IGDCC3: variants seen among roughly 807,000 people sequenced by gnomAD.
IGDCC3 encodes the protein immunoglobulin superfamily DCC subclass member 3, also known as putative neuronal cell adhesion molecule.
Under a neutral mutation model 72.0 loss-of-function variants are expected in IGDCC3, and 47 were observed. That is an observed-to-expected ratio of 0.65 (90% CI 0.52 to 0.83). The LOEUF (loss-of-function observed/expected upper bound fraction) is 0.83. IGDCC3 is among the 40% of genes least tolerant of loss of function. IGDCC3 has a pLI of 0.00. For missense variants in IGDCC3, 1,038 were observed against 1,091.3 expected (o/e 0.95, Z 0.69); for synonymous variants, 477 against 472.8 (o/e 1.01, Z -0.11).
chr15:65,359,392 G>A (rs895196509), intron 2 of IGDCC3, among the ~76,000 whole-genome samples: 8 of 152,114 alleles, frequency 5.3e-5, no homozygotes, highest in Non-Finnish European at 1.2e-4. Context: ...ATGCTTCTTA[G>A]CATGGAGCCT....
Position 65,329,148 on chromosome 15 carries a change from G to T in IGDCC3, c.2206C>A (p.Gln736Lys). The stretch of plus-strand genomic sequence containing the variant: ...CACGGAGCGGGGGCTGCAGGATCCT[G>T]CTGGGGAAAGAGCCCGTCACACAGG... ...AAGQPDPRPT[Q>K]DPAAPAPCEE... is the part of the protein sequence containing the mutation. The change falls in exon 14 of 14, where the codon CAG becomes AAG. Residue 736 changes from glutamine (Q) to lysine (K), a missense_variant and splice_region_variant. Gln to Lys is a moderately conservative substitution (Grantham distance 53). Coordinates refer to ENST00000327987, the MANE Select transcript of IGDCC3 (RefSeq NM_004884.4). This position sits in a 1 kb window ranked among gnomAD's most constrained non-coding sequence, Gnocchi z 4.1. 6.2e-7 allele frequency: 1 copy of T among 1,603,036 alleles called. No individual in the cohort carries two copies. The highest frequency in any genetic ancestry group is 8.5e-7 in the Non-Finnish European group (1 of 1,175,810).
At chr15:65,365,792 C>T (rs1438122597) in intron 2 of IGDCC3, among the ~76,000 whole-genome samples, 1 of 152,128 alleles carries the variant, frequency 6.6e-6, no homozygotes, top group Non-Finnish European at 1.5e-5. Flanking sequence ...AGAGGCAGGC[C>T]GGGCACAGTG....
At chr15:65,351,781 T>A (rs77488010) in intron 2 of IGDCC3, among the ~76,000 whole-genome samples, 5,598 of 152,304 alleles carry the variant, frequency 0.037, 226 homozygotes, top group East Asian at 0.11. Flanking sequence ...GAAACTCCTA[T>A]AATTTTAATA....
At chr15:65,370,867 T>C (rs2091322005) in intron 2 of IGDCC3, among the ~76,000 whole-genome samples, 1 of 152,106 alleles carries the variant, frequency 6.6e-6, no homozygotes, top group Non-Finnish European at 1.5e-5. Context: ...CAAGCGATCC[T>C]CCTGCCTCAG....
At chr15:65,373,077 A>T (rs1274001070) in intron 2 of IGDCC3, among the ~76,000 whole-genome samples, 1 of 152,150 alleles carries the variant, frequency 6.6e-6, no homozygotes, top group Non-Finnish European at 1.5e-5. Context: ...AACATCTTGA[A>T]GGTATTACCA....
chr15:65,347,884 C>T (rs1292225277), intron 2 of IGDCC3, among the ~76,000 whole-genome samples: 5 of 151,994 alleles, frequency 3.3e-5, no homozygotes, highest in African/African-American at 9.7e-5. Flanking sequence ...TGCAGTGAGC[C>T]GAGGTCACGC....
At chr15:65,340,106 G>A (rs2091066288) in intron 2 of IGDCC3, among the ~76,000 whole-genome samples, 1 of 152,186 alleles carries the variant, frequency 6.6e-6, no homozygotes, top group Non-Finnish European at 1.5e-5. Flanking sequence ...CAATTCACAG[G>A]GCTGGAAGGG....
At chr15:65,361,990 G>C (rs1188871475) in intron 2 of IGDCC3, among the ~76,000 whole-genome samples, 1 of 152,176 alleles carries the variant, frequency 6.6e-6, no homozygotes, top group African/African-American at 2.4e-5. Context: ...CTTTGGACAC[G>C]TGCGCGGGCA....
At chr15:65,338,328 T>C (rs1398148706) in intron 2 of IGDCC3, among the ~76,000 whole-genome samples, 2 of 152,232 alleles carry the variant, frequency 1.3e-5, no homozygotes, top group African/African-American at 4.8e-5. Flanking sequence ...GCTTTGCCTT[T>C]AAGAGTAATT....
At chr15:65,355,678 C>CCCCAA in intron 2 of IGDCC3, 1 of 299,226 alleles carries the variant, frequency 3.3e-6, no homozygotes, top group African/African-American at 2.2e-5. Flanking sequence ...GCCCCTCCCG[C>CCCCAA]ATAGCAATAG....
At chr15:65,334,669 G>C in intron 5 of IGDCC3, 59 bp downstream of exon 5, 1 of 1,427,340 alleles carries the variant, frequency 7.0e-7, no homozygotes, top group Non-Finnish European at 9.3e-7. Context: ...GTCTGAGACC[G>C]GCCCTCCCAG....
chr15:65,331,295 G>A, intron 8 of IGDCC3, 81 bp from the exon 9 acceptor site: 1 of 1,571,768 alleles, frequency 6.4e-7, no homozygotes, highest in Non-Finnish European at 8.7e-7. Context: ...GGCAGCCAGG[G>A]TGCCCGGGGG....
At chr15:65,368,774 G>A (rs187108595) in intron 2 of IGDCC3, among the ~76,000 whole-genome samples, 57 of 152,174 alleles carry the variant, frequency 3.7e-4, no homozygotes, top group Non-Finnish European at 6.5e-4. Context: ...CCTGCCCCGC[G>A]TGCATTATAT....
At chr15:65,370,620 G>GTGTATATATATA (rs1491326161) in intron 2 of IGDCC3, among the ~76,000 whole-genome samples, 4 of 94,578 alleles carry the variant, frequency 4.2e-5, no homozygotes, top group African/African-American at 1.0e-4. Flanking sequence ...ATATGTATGT[G>GTGTATATATATA]TATATATATA....
At chr15:65,353,152 A>G (rs1353105800) in intron 2 of IGDCC3, among the ~76,000 whole-genome samples, 1 of 150,242 alleles carries the variant, frequency 6.7e-6, no homozygotes, top group Non-Finnish European at 1.5e-5. Context: ...TGTGGAATAT[A>G]TTGTGGAGTA....
intron 2 of IGDCC3, among the ~76,000 whole-genome samples, chr15:65,351,743 G>C (rs542275063): frequency 6.6e-6 from 1 of 152,104 alleles, no homozygotes; most frequent in Admixed American, 6.5e-5. Context: ...GCATAAATGT[G>C]TTATTGGTAT....
At chr15:65,345,560 A>G (rs774222681) in intron 2 of IGDCC3, among the ~76,000 whole-genome samples, 33 of 144,288 alleles carry the variant, frequency 2.3e-4, no homozygotes, top group Admixed American at 3.4e-4. Context: ...TCTCACACGC[A>G]CACACACACA....
chr15:65,337,239 T>A (rs2091038076), intron 2 of IGDCC3, among the ~76,000 whole-genome samples: 1 of 152,226 alleles, frequency 6.6e-6, no homozygotes. Flanking sequence ...CTCATTTGCA[T>A]GTGGTTCATT....
chr15:65,331,690 C>G (rs2141032519), intron 7 of IGDCC3, 31 bp from the exon 8 acceptor site: 3 of 1,558,286 alleles, frequency 1.9e-6, no homozygotes, highest in East Asian at 2.3e-5. Flanking sequence ...CTCAGGTTCC[C>G]TCCTCCCTGG....
Sources: allele counts gnomAD v4.1 joint callset (sites outside exome capture counted in the v4.1 genomes callset), GRCh38; gene constraint gnomAD v4.1.1; non-coding constraint Gnocchi (gnomAD v3.1); transcripts MANE v1.5; gene names NCBI Gene and HGNC (gene_info 2026-07-23, HGNC 2026-07-21).